The following ZCWPW2 variants were observed in gnomAD, a reference collection of about 807,000 sequenced individuals.
The protein encoded by ZCWPW2 is zinc finger CW-type and PWWP domain containing 2.
ZCWPW2 carries 45 observed loss-of-function variants against 46.6 expected under a neutral mutation model. That is an observed-to-expected ratio of 0.96 (90% CI 0.76 to 1.24). ZCWPW2 has a LOEUF of 1.24. Ranked by LOEUF, ZCWPW2 falls within the 50% of genes most tolerant of loss-of-function variation. The pLI, the probability that ZCWPW2 is intolerant of heterozygous loss-of-function variation, is 0.00. For synonymous variants in ZCWPW2, 152 were observed against 137.1 expected (o/e 1.11, Z -0.76); for missense variants, 429 against 403.9 (o/e 1.06, Z -0.53).
At chr3:28,513,274 T>C (rs1700477086) in intron 6 of ZCWPW2, among the ~76,000 whole-genome samples, 1 of 152,222 alleles carries the variant, frequency 6.6e-6, no homozygotes, top group Non-Finnish European at 1.5e-5. Flanking sequence ...CTCTTTTGCT[T>C]ACTTTTGTCT....
chr3:28,467,027 G>T (rs1189677103), intron 4 of ZCWPW2, among the ~76,000 whole-genome samples: 1 of 152,098 alleles, frequency 6.6e-6, no homozygotes, highest in Admixed American at 6.5e-5. Flanking sequence ...GATATAACAA[G>T]ATGTCACTAG....
intron 4 of ZCWPW2, among the ~76,000 whole-genome samples, chr3:28,460,346 G>A (rs1475339567): frequency 4.6e-5 from 7 of 151,730 alleles, no homozygotes; most frequent in Admixed American, 4.6e-4. Context: ...AATTCTGCTG[G>A]GTTAAGGAAG....
At chr3:28,513,958 G>T (rs1362463131) in intron 6 of ZCWPW2, 106 bp from the exon 7 acceptor site, 7 of 749,386 alleles carry the variant, frequency 9.3e-6, no homozygotes, top group Non-Finnish European at 1.3e-5. Context: ...TTATCAGCCG[G>T]GGTGTTTCTT....
At chr3:28,389,114 T>C (rs902493408) in intron 1 of ZCWPW2, among the ~76,000 whole-genome samples, 8 of 152,156 alleles carry the variant, frequency 5.3e-5, no homozygotes, top group Non-Finnish European at 1.5e-5. Context: ...CCTCTGGAAC[T>C]AAGACCTCTA....
chr3:28,453,461 A>G (rs966093302), intron 4 of ZCWPW2, among the ~76,000 whole-genome samples: 1 of 152,162 alleles, frequency 6.6e-6, no homozygotes, highest in Non-Finnish European at 1.5e-5. Context: ...AAAATGTATC[A>G]ATTAGGTTTA....
intron 4 of ZCWPW2, among the ~76,000 whole-genome samples, chr3:28,471,190 A>G (rs1699028563): frequency 6.6e-6 from 1 of 152,178 alleles, no homozygotes; most frequent in Non-Finnish European, 1.5e-5. Context: ...AGAATAGCTA[A>G]TACCAGTTCT....
chr3:28,486,826 A>G (rs953449166), intron 5 of ZCWPW2, among the ~76,000 whole-genome samples: 2 of 151,990 alleles, frequency 1.3e-5, no homozygotes, highest in Non-Finnish European at 2.9e-5. Context: ...TGATTGTGCT[A>G]CTGCACTCTG....
intron 6 of ZCWPW2, among the ~76,000 whole-genome samples, chr3:28,493,150 G>GT (rs11426112): frequency 0.54 from 43,482 of 81,078 alleles, 11,412 homozygotes; most frequent in African/African-American, 0.63. Flanking sequence ...TTTTTTTAAT[G>GT]TTTTTTTTTT....
chr3:28,404,044 G>A (rs947035434), intron 2 of ZCWPW2, among the ~76,000 whole-genome samples: 2 of 151,974 alleles, frequency 1.3e-5, no homozygotes, highest in Non-Finnish European at 2.9e-5. Context: ...ACAAATAGCT[G>A]GGACTTAATT....
chr3:28,479,016 ATCTC>A (rs765385258), intron 5 of ZCWPW2, 85 bp downstream of exon 5: 62 of 827,390 alleles, frequency 7.5e-5, no homozygotes, highest in Non-Finnish European at 1.0e-4. Flanking sequence ...TCATTCAAAA[ATCTC>A]TATCTCTTTC....
chr3:28,518,631 A>G (rs1310754556), intron 8 of ZCWPW2, among the ~76,000 whole-genome samples: 3 of 152,190 alleles, frequency 2.0e-5, no homozygotes, highest in African/African-American at 7.2e-5. Context: ...TTGAAAACAG[A>G]GAGCCTACAA....
intron 1 of ZCWPW2, among the ~76,000 whole-genome samples, chr3:28,352,457 C>T (rs563547426): frequency 6.6e-6 from 1 of 152,000 alleles, no homozygotes; most frequent in Admixed American, 6.5e-5. Context: ...TTGTCCCTCT[C>T]TCACTGACAA....
chr3:28,492,194 A>G (rs776632920), intron 6 of ZCWPW2, 21 bp downstream of exon 6: 1 of 1,584,038 alleles, frequency 6.3e-7, no homozygotes, highest in Non-Finnish European at 8.6e-7. Flanking sequence ...GTTTTATTAT[A>G]TAAAATATAC....
At chr3:28,468,190 C>A (rs1236108194) in intron 4 of ZCWPW2, among the ~76,000 whole-genome samples, 1 of 151,746 alleles carries the variant, frequency 6.6e-6, no homozygotes, top group Non-Finnish European at 1.5e-5. Flanking sequence ...AAGAAAGCAT[C>A]AGAGTCTCAA....
intron 4 of ZCWPW2, among the ~76,000 whole-genome samples, chr3:28,475,779 C>A (rs1699217426): frequency 6.6e-6 from 1 of 152,162 alleles, no homozygotes; most frequent in South Asian, 2.1e-4. Flanking sequence ...TGCCCTCCTT[C>A]AGGGAGATCA....
chr3:28,396,237 G>A (rs532534025), intron 2 of ZCWPW2, among the ~76,000 whole-genome samples: 1 of 152,140 alleles, frequency 6.6e-6, no homozygotes, highest in African/African-American at 2.4e-5. Flanking sequence ...TGAATAACCA[G>A]TATGAAAAAT....
At chr3:28,483,958 A>T (rs926308162) in intron 5 of ZCWPW2, among the ~76,000 whole-genome samples, 1 of 152,076 alleles carries the variant, frequency 6.6e-6, no homozygotes, top group Admixed American at 6.6e-5. Context: ...CCAAATGTGT[A>T]TATCTTTTAT....
In ZCWPW2 at chr3:28,371,990, C is replaced by A. The variant is rs540480488; in HGVS notation, c.-133-18508C>A. ...TTCTTTCCTCCTCCTCCTCCTCCTC[C>A]TGCTCCTCCTCTTTCTCCTCTTTCT... On this transcript the variant is annotated intron_variant, in intron 1 of 9. Coordinates refer to ENST00000383768, the MANE Select transcript of ZCWPW2 (RefSeq NM_001040432.4). Among the ~76,000 whole-genome samples the A allele has an allele frequency of 2.0e-3, 301 of 150,246 alleles. 1 individual carries two copies. The highest frequency in any genetic ancestry group is 3.4e-3 in the Middle Eastern group (1 of 292).
At chr3:28,386,962 T>C (rs1559482937) in intron 1 of ZCWPW2, among the ~76,000 whole-genome samples, 1 of 152,208 alleles carries the variant, frequency 6.6e-6, no homozygotes, top group South Asian at 2.1e-4. Flanking sequence ...GGTGAGCCAA[T>C]AGCTTCTTCT....
Sources: allele counts gnomAD v4.1 joint callset (sites outside exome capture counted in the v4.1 genomes callset), GRCh38; gene constraint gnomAD v4.1.1; transcripts MANE v1.5; gene names NCBI Gene and HGNC (gene_info 2026-07-23, HGNC 2026-07-21).